SEC23B: variants seen among roughly 807,000 people sequenced by gnomAD.
The protein encoded by SEC23B is protein transport protein Sec23B.
A neutral mutation model predicts 104.3 loss-of-function variants in SEC23B; 77 were observed. The ratio of observed to expected loss-of-function variants is 0.74; its 90% CI spans 0.61 to 0.89. The LOEUF (loss-of-function observed/expected upper bound fraction) is 0.89. Ranked by LOEUF, SEC23B falls within the 40% of genes least tolerant of loss-of-function variation. SEC23B has a pLI of 0.00. For synonymous variants in SEC23B, 338 were observed against 332.5 expected, an observed-to-expected ratio of 1.02 and a Z score of -0.18; for missense variants, 885 against 949.4, an observed-to-expected ratio of 0.93 and a Z score of 0.89.
At chr20:18,522,400 T>C (rs2060091685) in intron 4 of SEC23B, among the ~76,000 whole-genome samples, 1 of 152,192 alleles carries the variant, frequency 6.6e-6, no homozygotes, top group Non-Finnish European at 1.5e-5. Context: ...AAAAGGTGTC[T>C]CCTTTGTCTC....
chr20:18,525,721 G>T, intron 6 of SEC23B, 67 bp from the exon 7 acceptor site: 1 of 1,520,438 alleles, frequency 6.6e-7, no homozygotes, highest in Non-Finnish European at 9.1e-7. Flanking sequence ...TAATTATGTG[G>T]CACCTAGTGT....
intron 14 of SEC23B, among the ~76,000 whole-genome samples, chr20:18,544,831 A>G (rs1044072361): frequency 6.6e-6 from 1 of 152,178 alleles, no homozygotes; most frequent in Admixed American, 6.5e-5. Flanking sequence ...GTTTGAAATC[A>G]GGATGTAAAC....
At chr20:18,532,002 G>A (rs1231650203) in intron 10 of SEC23B, among the ~76,000 whole-genome samples, 1 of 152,200 alleles carries the variant, frequency 6.6e-6, no homozygotes, top group African/African-American at 2.4e-5. Flanking sequence ...AGGCTGCAGT[G>A]AGCTATGATC....
At chr20:18,508,630 G>A (rs995610513) in intron 1 of SEC23B, among the ~76,000 whole-genome samples, 1 of 152,050 alleles carries the variant, frequency 6.6e-6, no homozygotes, top group South Asian at 2.1e-4. Context: ...GACCCTAGAA[G>A]GGTGAGGGAA....
rs769975527 is a variant in SEC23B at position 18,554,391 on chromosome 20, G to A, written c.2148+1G>A. 2 of 1,614,212 alleles carry A rather than the reference G, an allele frequency of 1.2e-6. No individual in the cohort carries two copies. The highest frequency in any genetic ancestry group is 8.5e-7 in the Non-Finnish European group (1 of 1,180,038). Reference sequence around the variant, plus strand: ...CAACACGGAGCATGGAGGCAGTCAGGTGAGTGAGCTGAGTTCTAACTCCAG... The same window carrying A: ...CAACACGGAGCATGGAGGCAGTCAGATGAGTGAGCTGAGTTCTAACTCCAG... On this transcript the variant is annotated splice_donor_variant, in intron 18 of 19. Coordinates refer to ENST00000650089, the MANE Select transcript of SEC23B (RefSeq NM_006363.6). LOFTEE classifies it high-confidence loss of function.
intron 1 of SEC23B, 103 bp downstream of exon 1, chr20:18,508,075 G>A (rs2059946926): frequency 6.6e-6 from 1 of 152,480 alleles, no homozygotes; most frequent in African/African-American, 2.4e-5. Flanking sequence ...TCTGGGAGGA[G>A]GCCTTTTCTT....
At chr20:18,531,550 G>T (rs2060187322) in intron 10 of SEC23B, among the ~76,000 whole-genome samples, 1 of 151,634 alleles carries the variant, frequency 6.6e-6, no homozygotes, top group South Asian at 2.1e-4. Flanking sequence ...CAGCTACTTG[G>T]GAGGCTGAGG....
At chr20:18,523,716 T>G (rs1697651262) in intron 4 of SEC23B, among the ~76,000 whole-genome samples, 1 of 151,580 alleles carries the variant, frequency 6.6e-6, no homozygotes, top group South Asian at 2.1e-4. Context: ...TTCTTTTTTT[T>G]TTTTTTAAGA....
intron 9 of SEC23B, 78 bp from the exon 10 acceptor site, chr20:18,530,602 T>C (rs978033764): frequency 2.0e-6 from 3 of 1,524,686 alleles, no homozygotes; most frequent in African/African-American, 2.8e-5. Flanking sequence ...CTTTAAATTA[T>C]TTTTGTAAAT....
chr20:18,514,184 T>G (rs765284148), intron 3 of SEC23B, among the ~76,000 whole-genome samples: 1 of 152,162 alleles, frequency 6.6e-6, no homozygotes, highest in Non-Finnish European at 1.5e-5. Context: ...CTGGACAGTG[T>G]GGGGGTTTTC....
chr20:18,541,563 ATC>A (rs1210349882), intron 12 of SEC23B, among the ~76,000 whole-genome samples: 3 of 152,212 alleles, frequency 2.0e-5, no homozygotes, highest in East Asian at 3.8e-4. Flanking sequence ...ATATTGTTGT[ATC>A]TCAGGAAATA....
chr20:18,555,277 A>G lies in SEC23B; in HGVS notation c.2214+104A>G, dbSNP rs942142475. Reference sequence around the variant, plus strand: ...TCTCTTTTGGCCTGGAGACAGAATAACTGCGTAAGTTGGGTATTTTGCTGG... The same window carrying G: ...TCTCTTTTGGCCTGGAGACAGAATAGCTGCGTAAGTTGGGTATTTTGCTGG... On this transcript the variant is annotated intron_variant, in intron 19 of 19. Coordinates refer to ENST00000650089, the MANE Select transcript of SEC23B (RefSeq NM_006363.6). 5 of 940,450 alleles carry G rather than the reference A, an allele frequency of 5.3e-6. No individual in the cohort carries two copies. In the African/African-American group the frequency reaches 6.6e-5, roughly 12 times the overall value. 58.3% of individuals were successfully genotyped at this position (940,450 alleles called of 1,614,324 possible). A position where few individuals can be genotyped will look rare whatever the true frequency, so the allele number is the denominator to read the frequency against.
intron 16 of SEC23B, among the ~76,000 whole-genome samples, chr20:18,549,753 G>C (rs556827959): frequency 6.6e-6 from 1 of 152,082 alleles, no homozygotes; most frequent in Non-Finnish European, 1.5e-5. Flanking sequence ...TAAAATAGCA[G>C]GGGGATCACA....
intron 11 of SEC23B, 78 bp from the exon 12 acceptor site, chr20:18,535,575 G>C (rs1246281189): frequency 9.2e-7 from 1 of 1,084,484 alleles, no homozygotes; most frequent in Non-Finnish European, 1.4e-6. Flanking sequence ...GCCCTACTCA[G>C]TCAGTACTTT....
intron 17 of SEC23B, among the ~76,000 whole-genome samples, chr20:18,552,039 C>T (rs980495000): frequency 6.6e-6 from 1 of 152,094 alleles, no homozygotes; most frequent in African/African-American, 2.4e-5. Context: ...GGGAATGGCT[C>T]CTCTGAATTA....
At chr20:18,538,220 G>A (rs1386142598) in intron 12 of SEC23B, among the ~76,000 whole-genome samples, 1 of 150,680 alleles carries the variant, frequency 6.6e-6, no homozygotes, top group South Asian at 2.1e-4. Context: ...AATTACAGGT[G>A]TGAGCTACCA....
intron 19 of SEC23B, among the ~76,000 whole-genome samples, chr20:18,559,865 C>T (rs1166017350): frequency 6.6e-6 from 1 of 151,988 alleles, no homozygotes; most frequent in Non-Finnish European, 1.5e-5. Flanking sequence ...ATAAGATGCC[C>T]GAAGTTTTCA....
At chr20:18,538,068 C>T (rs946683929) in intron 12 of SEC23B, among the ~76,000 whole-genome samples, 22 of 152,172 alleles carry the variant, frequency 1.4e-4, no homozygotes, top group African/African-American at 5.1e-4. Context: ...CCCAGCCTCC[C>T]GAGTAGCTAG....
chr20:18,511,196 T>C, intron 2 of SEC23B, 140 bp downstream of exon 2: 1 of 706,130 alleles, frequency 1.4e-6, no homozygotes, highest in Non-Finnish European at 2.6e-6. Context: ...TAAACGATTC[T>C]TGTGGTGAGT....
Sources: gnomAD v4.1 joint callset for allele counts (sites outside exome capture counted in the v4.1 genomes callset) on GRCh38, gnomAD v4.1.1 for gene constraint, MANE v1.5 for transcripts, NCBI Gene and HGNC (gene_info 2026-07-23, HGNC 2026-07-21) for gene names.